The following RAB2B variants were observed in gnomAD, a reference collection of about 807,000 sequenced individuals.
The protein encoded by RAB2B is RAB2B, member RAS oncogene family, also known as ras-related protein Rab-2B.
RAB2B carries 20 observed loss-of-function variants against 29.8 expected under a neutral mutation model. The observed-to-expected ratio is 0.67, with a 90% CI of 0.47 to 0.97. The LOEUF (loss-of-function observed/expected upper bound fraction) is 0.97, where lower values mean the gene tolerates loss of function less well. Among genes scored for constraint, RAB2B ranks in the 50% least tolerant of loss-of-function variants. The pLI is 0.00. For synonymous variants in RAB2B, 93 were observed against 91.7 expected, an observed-to-expected ratio of 1.01 and a Z score of -0.08; for missense variants, 218 against 272.0, an observed-to-expected ratio of 0.80 and a Z score of 1.40.
chr14:21,465,660 G>A (rs1248374524), intron 5 of RAB2B, among the ~76,000 whole-genome samples: 1 of 151,952 alleles, frequency 6.6e-6, no homozygotes, highest in Non-Finnish European at 1.5e-5. Flanking sequence ...AATGCTTCAG[G>A]TGTATTTATT....
At chr14:21,466,187 C>A (rs1378750596) in intron 5 of RAB2B, among the ~76,000 whole-genome samples, 1 of 152,064 alleles carries the variant, frequency 6.6e-6, no homozygotes, top group Admixed American at 6.6e-5. Context: ...GACTGATACA[C>A]TAAAAATAAT....
intron 3 of RAB2B, among the ~76,000 whole-genome samples, chr14:21,471,324 C>G (rs1890808132): frequency 6.6e-6 from 1 of 151,572 alleles, no homozygotes; most frequent in Admixed American, 6.6e-5. Context: ...GTAAAAAAAT[C>G]TGAAGCAGCA....
chr14:21,463,536 C>T (rs559659684), intron 6 of RAB2B, 120 bp downstream of exon 6: 15 of 740,504 alleles, frequency 2.0e-5, no homozygotes, highest in Middle Eastern at 2.4e-4. Flanking sequence ...CATGAGCCAC[C>T]GCGCTCGGCC....
intron 2 of RAB2B, 83 bp from the exon 3 acceptor site, chr14:21,475,017 G>C (rs1594417702): frequency 1.9e-6 from 2 of 1,038,304 alleles, no homozygotes; most frequent in East Asian, 4.8e-5. Context: ...TTTCCTCAAT[G>C]TGTTATAACC....
In RAB2B at chr14:21,461,072, G is replaced by A; in HGVS notation, c.*124C>T. ...CCAAATTCTCTCCTGGTCTTTAGGTGGAAAGGCAAAACATCACACTTTAAA... is the reference window on the plus strand; with the variant it reads ...CCAAATTCTCTCCTGGTCTTTAGGTAGAAAGGCAAAACATCACACTTTAAA... On this transcript the variant is annotated 3_prime_UTR_variant, in exon 8 of 8. Coordinates refer to ENST00000397762, the MANE Select transcript of RAB2B (RefSeq NM_032846.4). The A allele has an allele frequency of 1.4e-6, 1 of 707,106 alleles. No individual in the cohort carries two copies. Among genetic ancestry groups the A allele is most frequent in the Non-Finnish European group, 2.4e-6 (1 of 414,068 alleles). The allele number at this position is 707,106 out of a possible 1,614,324, so 43.8% of individuals were successfully genotyped here. A position where few individuals can be genotyped will look rare whatever the true frequency, so the allele number is the denominator to read the frequency against.
At chr14:21,463,038 A>C (rs1005147550) in intron 6 of RAB2B, among the ~76,000 whole-genome samples, 8 of 151,930 alleles carry the variant, frequency 5.3e-5, no homozygotes, top group African/African-American at 1.9e-4. Context: ...AGATACCATC[A>C]ACACCAGGCC....
intron 3 of RAB2B, among the ~76,000 whole-genome samples, chr14:21,472,939 C>T (rs1400206951): frequency 1.3e-5 from 2 of 152,088 alleles, no homozygotes; most frequent in Non-Finnish European, 2.9e-5. Context: ...GGCCTGTAAT[C>T]CCAACACTTT....
intron 3 of RAB2B, among the ~76,000 whole-genome samples, chr14:21,469,794 T>C (rs1326101273): frequency 6.6e-6 from 1 of 152,126 alleles, no homozygotes; most frequent in Non-Finnish European, 1.5e-5. Context: ...CATAGTATAA[T>C]ACCAGTAACA....
chr14:21,465,980 A>G (rs1393676034), intron 5 of RAB2B, among the ~76,000 whole-genome samples: 5 of 152,190 alleles, frequency 3.3e-5, no homozygotes, highest in Non-Finnish European at 7.3e-5. Context: ...ATCACTCCTA[A>G]TCAAAAGTAG....
At chr14:21,463,232 T>G (rs1332154338) in intron 6 of RAB2B, among the ~76,000 whole-genome samples, 3 of 145,458 alleles carry the variant, frequency 2.1e-5, no homozygotes, top group Admixed American at 7.1e-5. Context: ...GTCACTACGA[T>G]CAGAAGACAT....
chr14:21,476,656 T>A (rs765940757), intron 1 of RAB2B, 57 bp from the exon 2 acceptor site: 31 of 1,612,932 alleles, frequency 1.9e-5, no homozygotes, highest in Middle Eastern at 1.7e-4. Flanking sequence ...TTCCAGAGTA[T>A]GGACTTCCCG....
At chr14:21,474,990 A>G (rs952706074) in intron 2 of RAB2B, 56 bp from the exon 3 acceptor site, 2 of 1,436,052 alleles carry the variant, frequency 1.4e-6, no homozygotes, top group African/African-American at 1.4e-5. Context: ...AGCCACGTGG[A>G]GTGGGAGGTT....
In RAB2B at chr14:21,468,696, T is replaced by C; in HGVS notation, c.243A>G (p.Gly81=). ...ITRSYYRGAA[G]ALLVYDITRR... ...TTGTAATGTCGTACACCAGCAGTGC[T>C]CCAGCTGCTCCCCTGTAGTAGGAAC... Residue 81 remains glycine, a synonymous_variant, in exon 4 of 8, where the codon GGA becomes GGG. Transcript: ENST00000397762. The C allele has an allele frequency of 6.3e-7, 1 of 1,579,420 alleles. No individual in the cohort carries two copies. Among genetic ancestry groups the C allele is most frequent in the South Asian group, 1.2e-5 (1 of 85,780 alleles).
intron 3 of RAB2B, among the ~76,000 whole-genome samples, chr14:21,469,950 T>TG (rs1392823059): frequency 7.0e-6 from 1 of 142,650 alleles, no homozygotes; most frequent in African/African-American, 3.0e-5. Context: ...TATTCCCTTT[T>TG]TTTTTTTCTT....
rs1285025315 is a variant in RAB2B at position 21,475,070 on chromosome 14, C to T, written c.119-136G>A. On this transcript the variant is annotated intron_variant, in intron 2 of 7. Transcript: ENST00000397762. ...AATGCCACTAATTCCATTATTGCTGCCTATTTGCTCCAATTAATTTTGTGT... is the reference window on the plus strand; with the variant it reads ...AATGCCACTAATTCCATTATTGCTGTCTATTTGCTCCAATTAATTTTGTGT... The T allele has an allele frequency of 2.0e-5, 13 of 635,446 alleles. 1 individual carries two copies. In the African/African-American group the frequency reaches 2.4e-4, roughly 12 times the overall value. 39.4% of individuals were successfully genotyped at this position (635,446 alleles called of 1,614,324 possible). A position where few individuals can be genotyped will look rare whatever the true frequency, so the allele number is the denominator to read the frequency against.
intron 5 of RAB2B, among the ~76,000 whole-genome samples, chr14:21,465,910 C>T (rs868335259): frequency 1.3e-4 from 19 of 148,250 alleles, no homozygotes; most frequent in South Asian, 6.3e-4. Flanking sequence ...CCAAGTAATA[C>T]CCTTTTAAAA....
rs112361698 is a variant in RAB2B at position 21,468,315 on chromosome 14, G to A, written c.362+42C>T. 2,321 of 1,453,716 alleles carry A rather than the reference G, an allele frequency of 1.6e-3. 4 individuals carry two copies. Among genetic ancestry groups the A allele is most frequent in the Non-Finnish European group, 2.0e-3 (2,073 of 1,035,278 alleles). The allele number at this position is 1,453,716 out of a possible 1,614,324, so 90.1% of individuals were successfully genotyped here. A position where few individuals can be genotyped will look rare whatever the true frequency, so the allele number is the denominator to read the frequency against. Reference sequence around the variant, plus strand: ...GGGATCAATGTGCATAGAGTACCTAGATGACTCCTGTTAACTATTATTCAC... The same window carrying A: ...GGGATCAATGTGCATAGAGTACCTAAATGACTCCTGTTAACTATTATTCAC... On this transcript the variant is annotated intron_variant, in intron 5 of 7. Coordinates refer to ENST00000397762, the MANE Select transcript of RAB2B (RefSeq NM_032846.4).
At chr14:21,468,571 C>A (rs1890737202) in intron 4 of RAB2B, 99 bp downstream of exon 4, 4 of 1,256,786 alleles carry the variant, frequency 3.2e-6, no homozygotes, top group Non-Finnish European at 4.5e-6. Flanking sequence ...GAGGCCATTC[C>A]TAGTTAACAT....
intron 3 of RAB2B, among the ~76,000 whole-genome samples, chr14:21,470,800 GCATTTATCTTTAGCAGCTGAAAATGCTAT>G: frequency 6.6e-6 from 1 of 152,144 alleles, no homozygotes; most frequent in East Asian, 1.9e-4. Context: ...TCACATGGCA[GCATTTATCTTTAGCAGCTGAAAATGCTAT>G]CAGTGGGTCA....
Sources: allele counts gnomAD v4.1 joint callset (sites outside exome capture counted in the v4.1 genomes callset), GRCh38; gene constraint gnomAD v4.1.1; transcripts MANE v1.5; gene names NCBI Gene and HGNC (gene_info 2026-07-23, HGNC 2026-07-21).